PCNT: variants seen among roughly 807,000 people sequenced by gnomAD.
The protein encoded by PCNT is pericentrin, also known as kendrin.
In PCNT, 319 loss-of-function variants were observed where a neutral mutation model predicts 380.4. The ratio of observed to expected loss-of-function variants is 0.84; its 90% CI spans 0.77 to 0.92. The LOEUF (loss-of-function observed/expected upper bound fraction) is 0.92. Ranked by LOEUF, PCNT falls within the 40% of genes least tolerant of loss-of-function variation. The probability of loss-of-function intolerance (pLI) is 0.00; values close to 1 mark genes in which losing one functional copy is unlikely to be tolerated. For missense variants in PCNT, 4,400 were observed against 4,255.3 expected (o/e 1.03, Z -0.95); for synonymous variants, 1,845 against 1,735.2 (o/e 1.06, Z -1.57).
chr21:46,390,759 G>C lies in PCNT; in HGVS notation c.3930G>C (p.Gln1310His). 1 of 1,613,360 alleles carries C rather than the reference G, an allele frequency of 6.2e-7. No individual in the cohort carries two copies. The highest frequency in any genetic ancestry group is 1.1e-5 in the South Asian group (1 of 91,048). The change falls in exon 20 of 47, where the codon CAG becomes CAC. Residue 1310 changes from glutamine (Q) to histidine (H), a missense_variant. Gln to His is a conservative substitution (Grantham distance 24, BLOSUM62 0). Coordinates refer to ENST00000359568, the MANE Select transcript of PCNT (RefSeq NM_006031.6). ...CAGCACAGGTTGTCAGGAAGCACCA[G>C]GAGCTGCTGGAGTGTTTGAAGGAGG... ...EETAQVVRKH[Q>H]ELLECLKEES... is the part of the protein sequence containing the mutation.
chr21:46,359,480 G>GTTGTTTTTTTTTTTTTTTTTT (rs2084609442), intron 13 of PCNT, among the ~76,000 whole-genome samples: 3 of 65,732 alleles, frequency 4.6e-5, no homozygotes, highest in Non-Finnish European at 6.8e-5. Context: ...AAATACACCT[G>GTTGTTTTTTTTTTTTTTTTTT]TTTTTTTTTT....
intron 6 of PCNT, among the ~76,000 whole-genome samples, chr21:46,348,801 G>A (rs74785114): frequency 6.9e-6 from 1 of 145,272 alleles, no homozygotes; most frequent in Non-Finnish European, 1.5e-5. Context: ...TTTTTTTTTT[G>A]TAGAGATGGG....
At chr21:46,409,108 A>G (rs971541481) in intron 27 of PCNT, among the ~76,000 whole-genome samples, 1 of 150,592 alleles carries the variant, frequency 6.6e-6, no homozygotes, top group Admixed American at 6.6e-5. Flanking sequence ...TTTTTGATAC[A>G]TGATTTGCAG....
At chr21:46,324,564 G>A (rs1218460667) in intron 1 of PCNT, among the ~76,000 whole-genome samples, 1 of 99,034 alleles carries the variant, frequency 1.0e-5, no homozygotes, top group Non-Finnish European at 2.1e-5. Context: ...CGCCTGCGTC[G>A]GGGGGGGTGG....
intron 17 of PCNT, among the ~76,000 whole-genome samples, chr21:46,387,677 G>A (rs892067289): frequency 6.6e-6 from 1 of 152,092 alleles, no homozygotes; most frequent in Admixed American, 6.6e-5. Context: ...TCGGTTTCGC[G>A]GGGCCTGCAC....
intron 37 of PCNT, chr21:46,430,943 G>C (rs565733981): frequency 1.0e-6 from 1 of 984,884 alleles, no homozygotes; most frequent in Non-Finnish European, 1.2e-6. Flanking sequence ...CAGCCTCCTC[G>C]CTGGCATCCA....
chr21:46,353,125 C>T lies in PCNT; in HGVS notation c.1478C>T (p.Ala493Val), dbSNP rs759268541. ...GCAGAGCTACATGAGCAACTCCTGG[C>T]GCGCACCTCTCGTGTGGAAGATTTA... The part of the protein sequence containing the change: ...ELSELHEQLL[A>V]RTSRVEDLEQ... The change falls in exon 10 of 47, where the codon GCG becomes GTG. Residue 493 changes from alanine to valine, a missense_variant. Transcript: ENST00000359568. 1.2e-5 allele frequency: 19 copies of T among 1,613,778 alleles called. No individual in the cohort carries two copies. In the Middle Eastern group the frequency reaches 4.9e-4, roughly 42 times the overall value.
intron 15 of PCNT, among the ~76,000 whole-genome samples, chr21:46,368,502 T>C (rs2085008869): frequency 6.6e-6 from 1 of 152,038 alleles, no homozygotes; most frequent in East Asian, 1.9e-4. Context: ...GTTTTTATCA[T>C]GAAGAAGAAT....
Position 46,388,431 on chromosome 21 carries a change from G to A in PCNT, c.3465-311G>A, listed in dbSNP as rs1004524728. On this transcript the variant is annotated intron_variant, in intron 17 of 46. Coordinates refer to ENST00000359568, the MANE Select transcript of PCNT (RefSeq NM_006031.6). This position sits in a 1 kb window ranked among gnomAD's most constrained non-coding sequence, Gnocchi z 4.2. ...TGCTCCCGGGTGATTGACGCTGTGC[G>A]GCCACATCGCACACCTGCGGGACGG... Among the ~76,000 whole-genome samples the A allele has an allele frequency of 7.2e-5, 11 of 152,202 alleles. No individual in the cohort carries two copies. The highest frequency in any genetic ancestry group is 1.9e-4 in the East Asian group (1 of 5,194).
At chr21:46,364,056 G>A in intron 14 of PCNT, 122 bp downstream of exon 14, 1 of 858,016 alleles carries the variant, frequency 1.2e-6, no homozygotes, top group Non-Finnish European at 1.9e-6. Context: ...TCTGGAGGGA[G>A]CTGGAACAAG....
At chr21:46,426,021 G>A (rs1278558803) in intron 33 of PCNT, 50 bp downstream of exon 33, 7 of 1,584,220 alleles carry the variant, frequency 4.4e-6, no homozygotes, top group Non-Finnish European at 6.0e-6. Flanking sequence ...TAAGGAGCTT[G>A]TGGTAATGGC....
intron 1 of PCNT, among the ~76,000 whole-genome samples, chr21:46,324,494 G>A (rs1257832449): frequency 6.6e-6 from 1 of 150,540 alleles, no homozygotes; most frequent in East Asian, 2.0e-4. Flanking sequence ...CCCCGCCGCG[G>A]CCACAGCCAA....
In PCNT at chr21:46,425,874, C is replaced by T. The variant is rs754616596; in HGVS notation, c.7223C>T (p.Ala2408Val). ...CGTGACGAGAGCCACCAGATCCTGG[C>T]GCTGTCAGAAGGCCTTGCACCCCCA... ...MVRDESHQIL[A>V]LSEGLAPPSG... The change falls in exon 33 of 47, where the codon GCG becomes GTG. Residue 2408 changes from alanine to valine, a missense_variant. Coordinates refer to ENST00000359568, the MANE Select transcript of PCNT (RefSeq NM_006031.6). This position sits in a 1 kb window ranked among gnomAD's most constrained non-coding sequence, Gnocchi z 4.2. 26 of 1,613,664 alleles carry T rather than the reference C, an allele frequency of 1.6e-5. No homozygotes were observed. Among genetic ancestry groups the T allele is most frequent in the Admixed American group, 8.3e-5 (5 of 59,986 alleles).
At chr21:46,433,219 T>TAAAAATACA (rs2087841237) in intron 38 of PCNT, among the ~76,000 whole-genome samples, 1 of 152,066 alleles carries the variant, frequency 6.6e-6, no homozygotes, top group South Asian at 2.1e-4. Context: ...CCATTTCTAC[T>TAAAAATACA]AAAAATACAA....
intron 15 of PCNT, among the ~76,000 whole-genome samples, chr21:46,374,191 C>G (rs2085256072): frequency 6.6e-6 from 1 of 152,132 alleles, no homozygotes; most frequent in Non-Finnish European, 1.5e-5. Flanking sequence ...CCCGGTCCCG[C>G]TGGTTAGTGG....
Position 46,366,756 on chromosome 21 carries a change from G to A in PCNT, c.2782G>A (p.Gly928Ser). 1 of 1,613,582 alleles carries A rather than the reference G, an allele frequency of 6.2e-7. No homozygotes were observed. The change falls in exon 15 of 47, where the codon GGC (glycine) becomes AGC (serine). Residue 928 changes from glycine (G) to serine (S), a missense_variant. Coordinates refer to ENST00000359568, the MANE Select transcript of PCNT (RefSeq NM_006031.6). ...ELEARHQAALGELTASLESKQ... is the reference protein window; with the variant it reads ...ELEARHQAALSELTASLESKQ... Reference sequence around the variant, plus strand: ...CGAGGCCAGACACCAGGCCGCGTTGGGCGAGCTGACAGCCTCCTTAGAGAG... The same window carrying A: ...CGAGGCCAGACACCAGGCCGCGTTGAGCGAGCTGACAGCCTCCTTAGAGAG...
chr21:46,428,914 T>G (rs910534883), intron 35 of PCNT, among the ~76,000 whole-genome samples: 4 of 147,054 alleles, frequency 2.7e-5, no homozygotes, highest in African/African-American at 8.2e-5. Flanking sequence ...TAATTTAGCT[T>G]CTTCGGGAGT....
rs201188810 is a variant in PCNT at position 46,355,597 on chromosome 21, G to A, written c.1907G>A (p.Arg636His). Residue 636 changes from arginine to histidine, a missense_variant, in exon 12 of 47, where the codon CGT (arginine) becomes CAT (histidine). Coordinates refer to ENST00000359568, the MANE Select transcript of PCNT (RefSeq NM_006031.6). ...ACTTCAGCATTGGGACACGAGTGGC[G>A]TCTGGAACCCTCTGAAGGGCACAGC... The part of the protein sequence containing the change: ...VETSALGHEW[R>H]LEPSEGHSQE... 2.5e-5 allele frequency: 41 copies of A among 1,614,010 alleles called. 1 individual carries two copies. In the East Asian group the frequency reaches 3.3e-4, roughly 13 times the overall value.
At chr21:46,408,702 C>T (rs1314370102) in intron 27 of PCNT, among the ~76,000 whole-genome samples, 1 of 147,156 alleles carries the variant, frequency 6.8e-6, no homozygotes, top group Non-Finnish European at 1.5e-5. Flanking sequence ...GAAATGTTTG[C>T]TTAAGTCTTT....
Sources: gnomAD v4.1 joint callset for allele counts (sites outside exome capture counted in the v4.1 genomes callset) on GRCh38, gnomAD v4.1.1 for gene constraint, Gnocchi (gnomAD v3.1) non-coding constraint, MANE v1.5 for transcripts, NCBI Gene and HGNC (gene_info 2026-07-23, HGNC 2026-07-21) for gene names.